NBEA: variants seen among roughly 807,000 people sequenced by gnomAD.
The protein encoded by NBEA is neurobeachin.
Under a neutral mutation model 343.4 loss-of-function variants are expected in NBEA, and 44 were observed. The observed-to-expected ratio is 0.13, with a 90% CI of 0.10 to 0.16. The LOEUF is 0.16. Among genes scored for constraint, NBEA ranks in the 10% least tolerant of loss-of-function variants. The pLI, the probability that NBEA is intolerant of heterozygous loss-of-function variation, is 1.00. For missense variants in NBEA, 2,555 were observed against 3,631.3 expected, an observed-to-expected ratio of 0.70 and a Z score of 7.62; for synonymous variants, 1,175 against 1,238.7, an observed-to-expected ratio of 0.95 and a Z score of 1.08.
chr13:35,312,218 G>C (rs1040375589), intron 36 of NBEA, among the ~76,000 whole-genome samples: 2 of 152,132 alleles, frequency 1.3e-5, no homozygotes, highest in Non-Finnish European at 2.9e-5. Context: ...TGATGCAATC[G>C]TACCACAGAA....
At chr13:35,546,278 A>G (rs1241516122) in intron 41 of NBEA, among the ~76,000 whole-genome samples, 2 of 152,172 alleles carry the variant, frequency 1.3e-5, no homozygotes, top group African/African-American at 2.4e-5. Context: ...CAGCCTGGTC[A>G]ATGTGGCAAA....
chr13:35,088,900 A>G (rs984065899), intron 10 of NBEA, among the ~76,000 whole-genome samples: 20 of 144,818 alleles, frequency 1.4e-4, no homozygotes, highest in African/African-American at 4.9e-4. Flanking sequence ...CCTTATACAA[A>G]AATTAATTCA....
intron 16 of NBEA, among the ~76,000 whole-genome samples, chr13:35,121,045 C>T (rs1320600378): frequency 6.6e-6 from 1 of 152,078 alleles, no homozygotes; most frequent in Non-Finnish European, 1.5e-5. Flanking sequence ...AATAGAAACT[C>T]TGTGAGAACT....
At chr13:35,268,823 G>A (rs2033900737) in intron 34 of NBEA, among the ~76,000 whole-genome samples, 1 of 151,924 alleles carries the variant, frequency 6.6e-6, no homozygotes, top group Admixed American at 6.6e-5. Flanking sequence ...CACATCACTT[G>A]CAAAAATAGA....
chr13:35,349,354 T>C (rs1168883228), intron 37 of NBEA, 138 bp downstream of exon 37: 1 of 510,492 alleles, frequency 2.0e-6, no homozygotes, highest in Non-Finnish European at 3.6e-6. Flanking sequence ...TTAAAAGCTT[T>C]AGTAAATGTC....
chr13:35,068,383 G>T (rs536185598), intron 8 of NBEA, among the ~76,000 whole-genome samples: 1 of 152,214 alleles, frequency 6.6e-6, no homozygotes, highest in East Asian at 1.9e-4. Flanking sequence ...TGAACAAAAT[G>T]AAAGCAAGAG....
intron 38 of NBEA, among the ~76,000 whole-genome samples, chr13:35,386,799 G>T (rs2042263261): frequency 6.6e-6 from 1 of 152,072 alleles, no homozygotes; most frequent in African/African-American, 2.4e-5. Context: ...GTTGATAAAT[G>T]TGGCTGCCCT....
At chr13:35,413,287 A>G (rs1018593007) in intron 38 of NBEA, among the ~76,000 whole-genome samples, 4 of 152,188 alleles carry the variant, frequency 2.6e-5, no homozygotes, top group African/African-American at 4.8e-5. Flanking sequence ...ATTCATGCAC[A>G]GAAGTCCTGA....
chr13:35,500,589 C>G (rs947863173), intron 41 of NBEA, among the ~76,000 whole-genome samples: 2 of 152,036 alleles, frequency 1.3e-5, no homozygotes, highest in Non-Finnish European at 2.9e-5. Context: ...TTCTGGTAGT[C>G]TGTTGTGATT....
intron 38 of NBEA, among the ~76,000 whole-genome samples, chr13:35,387,085 G>A (rs1022596690): frequency 1.3e-5 from 2 of 152,102 alleles, no homozygotes; most frequent in African/African-American, 4.8e-5. Context: ...CTTATAGAAA[G>A]TAGTTGTCAA....
At chr13:35,367,770 G>A (rs2041207415) in intron 38 of NBEA, among the ~76,000 whole-genome samples, 1 of 151,320 alleles carries the variant, frequency 6.6e-6, no homozygotes, top group Admixed American at 6.6e-5. Flanking sequence ...TTGAAGTCTA[G>A]GCAGTAAAAT....
chr13:35,246,630 TGTGAACCATCTTCAGTTCTCTCA>T (rs2031240096), intron 34 of NBEA, among the ~76,000 whole-genome samples: 1 of 152,138 alleles, frequency 6.6e-6, no homozygotes, highest in South Asian at 2.1e-4. Context: ...AGTCCTGTCA[TGTGAACCATCTTCAGTTCTCTCA>T]GTCGTGGATA....
chr13:35,647,671 A>G (rs1013645898), intron 51 of NBEA, among the ~76,000 whole-genome samples: 96 of 152,020 alleles, frequency 6.3e-4, no homozygotes, highest in Non-Finnish European at 8.8e-5. Context: ...GGTTCAAGCA[A>G]TTCTCCTGCC....
intron 33 of NBEA, among the ~76,000 whole-genome samples, chr13:35,221,557 T>G (rs1358140811): frequency 6.6e-6 from 1 of 152,174 alleles, no homozygotes; most frequent in Non-Finnish European, 1.5e-5. Context: ...GTGAAAAACC[T>G]ATGTAGTATC....
At chr13:35,594,038 A>C (rs2081648250) in intron 47 of NBEA, among the ~76,000 whole-genome samples, 1 of 152,150 alleles carries the variant, frequency 6.6e-6, no homozygotes, top group East Asian at 1.9e-4. Context: ...TGTTAAATAC[A>C]AGGATTTGTT....
chr13:35,105,033 G>C (rs886668932), intron 11 of NBEA, among the ~76,000 whole-genome samples: 1 of 151,952 alleles, frequency 6.6e-6, no homozygotes, highest in African/African-American at 2.4e-5. Context: ...TTAAAAAGTT[G>C]TAAGCAGGGA....
At chr13:35,360,002 G>C (rs770899465) in intron 38 of NBEA, among the ~76,000 whole-genome samples, 2 of 151,924 alleles carry the variant, frequency 1.3e-5, no homozygotes, top group African/African-American at 4.8e-5. Flanking sequence ...CCTAACAACT[G>C]TAAGGAAGAC....
At chr13:35,244,583 C>T (rs1339416307) in intron 34 of NBEA, among the ~76,000 whole-genome samples, 1 of 151,912 alleles carries the variant, frequency 6.6e-6, no homozygotes, top group Non-Finnish European at 1.5e-5. Context: ...ATTAGTCTTG[C>T]TTTGGCTATG....
chr13:35,098,893 A>G (rs1161953001), intron 11 of NBEA, among the ~76,000 whole-genome samples: 3 of 151,958 alleles, frequency 2.0e-5, no homozygotes, highest in Non-Finnish European at 2.9e-5. Context: ...CTGTCTCTCC[A>G]TTAGTTATTT....
Sources: allele counts gnomAD v4.1 joint callset (sites outside exome capture counted in the v4.1 genomes callset), GRCh38; gene constraint gnomAD v4.1.1; transcripts MANE v1.5; gene names NCBI Gene and HGNC (gene_info 2026-07-23, HGNC 2026-07-21).